Variants in MYO1C observed in about 807,000 individuals in gnomAD.
The protein encoded by MYO1C is myosin IC, also known as unconventional myosin-Ic.
MYO1C carries 104 observed loss-of-function variants against 150.8 expected under a neutral mutation model. That is an observed-to-expected ratio of 0.69 (90% CI 0.59 to 0.81). The LOEUF is 0.81. Among genes scored for constraint, MYO1C ranks in the 30% least tolerant of loss-of-function variants. The pLI, the probability that MYO1C is intolerant of heterozygous loss-of-function variation, is 0.00. For missense variants in MYO1C, 1,504 were observed against 1,435.0 expected, an observed-to-expected ratio of 1.05 and a Z score of -0.78; for synonymous variants, 663 against 579.9, an observed-to-expected ratio of 1.14 and a Z score of -2.06.
In MYO1C at chr17:1,484,202, G is replaced by A. The variant is rs146239773; in HGVS notation, c.177C>T (p.Ser59=). 3.2e-4 allele frequency: 515 copies of A among 1,612,896 alleles called. 6 individuals carry two copies. The African/African-American group carries it at 5.0e-3, about 16-fold the overall frequency. ...QDFVLLENFT[S]EAAFIENLRR... Reference sequence around the variant, plus strand: ...GCAGGTTCTCGATGAAGGCGGCCTCGCTGGTGAAGTTCTCCAGCAGCACGA... The same window carrying A: ...GCAGGTTCTCGATGAAGGCGGCCTCACTGGTGAAGTTCTCCAGCAGCACGA... The change falls in exon 2 of 32, where the codon AGC becomes AGT. Residue 59 remains serine (S), a synonymous_variant. Coordinates refer to ENST00000648651, the MANE Select transcript of MYO1C (RefSeq NM_001080779.2).
chr17:1,483,553 G>A (rs1330747674), intron 3 of MYO1C, 57 bp downstream of exon 3: 14 of 1,274,028 alleles, frequency 1.1e-5, no homozygotes, highest in East Asian at 7.3e-5. Flanking sequence ...AGGGTTGGGC[G>A]GGGTCACCTC....
chr17:1,480,185 G>A (rs2074489594), intron 7 of MYO1C, among the ~76,000 whole-genome samples: 3 of 136,848 alleles, frequency 2.2e-5, no homozygotes, highest in Admixed American at 7.7e-5. Context: ...ACTGGCCCAC[G>A]CCTGTAATCC....
intron 1 of MYO1C, among the ~76,000 whole-genome samples, chr17:1,488,055 C>T (rs929284512): frequency 2.0e-5 from 3 of 152,316 alleles, no homozygotes; most frequent in Admixed American, 2.0e-4. Flanking sequence ...CAGCTCTCTC[C>T]CTGCCCCGCG....
At position 1,478,836 on chromosome 17, in the gene MYO1C, C is replaced by T. The variant is rs1261623606; in HGVS notation, c.1093-101G>A. 15 of 1,562,796 alleles carry T rather than the reference C, an allele frequency of 9.6e-6. No individual in the cohort carries two copies. Among genetic ancestry groups the T allele is most frequent in the Non-Finnish European group, 1.3e-5 (15 of 1,154,160 alleles). On this transcript the variant is annotated intron_variant, in intron 9 of 31. Transcript: ENST00000648651. The surrounding 1 kb of genome is among the most constrained non-coding windows in gnomAD (Gnocchi z 6.3). ...ACCAGGAAGCCGCCACCACTCTGCACTCCCAGCTCCAGCAAGCCTGCAGTA... is the reference window on the plus strand; with the variant it reads ...ACCAGGAAGCCGCCACCACTCTGCATTCCCAGCTCCAGCAAGCCTGCAGTA...
intron 14 of MYO1C, among the ~76,000 whole-genome samples, chr17:1,476,981 G>C (rs2074414051): frequency 6.6e-6 from 1 of 151,608 alleles, no homozygotes; most frequent in African/African-American, 2.4e-5. Flanking sequence ...TGGGATTATA[G>C]GCACCTGCCA....
Position 1,469,582 on chromosome 17 carries a change from C to T in MYO1C, c.2559G>A (p.Lys853=), listed in dbSNP as rs1319009237. Residue 853 remains lysine, a synonymous_variant, in exon 25 of 32, where the codon AAG becomes AAA. Transcript: ENST00000648651. The stretch of plus-strand genomic sequence containing the variant: ...TCCGGCAGTATTTCCACACCATGTT[C>T]TTTATGCACAACTCCCGCAGAAGCT... The part of the protein sequence containing the change: ...ASELLRELCI[K]NMVWKYCRSI... 1.2e-6 allele frequency: 2 copies of T among 1,613,218 alleles called. No individual in the cohort carries two copies. Among genetic ancestry groups the T allele is most frequent in the Admixed American group, 3.3e-5 (2 of 59,950 alleles).
intron 17 of MYO1C, chr17:1,472,468 T>G: frequency 1.8e-6 from 1 of 551,718 alleles, no homozygotes; most frequent in Non-Finnish European, 3.3e-6. Context: ...AAACTCCTGC[T>G]CAGGTCTCCC....
rs774748803 is a variant in MYO1C at position 1,467,501 on chromosome 17, C to T, written c.3044G>A (p.Ser1015Asn). The T allele has an allele frequency of 5.0e-6, 8 of 1,613,368 alleles. No individual in the cohort carries two copies. The African/African-American group carries it at 8.0e-5, about 16-fold the overall frequency. ...KTALSANRVNSININQGSITF... is the reference protein window; with the variant it reads ...KTALSANRVNNININQGSITF... ...TCACCTGCCCTGGTTGATGTTGATG[C>T]TGTTCACGCGGTTGGCACTGAGGGC... Residue 1015 changes from serine to asparagine, a missense_variant, in exon 30 of 32, where the codon AGC becomes AAC. Transcript: ENST00000648651.
chr17:1,487,372 C>G (rs536016240), intron 1 of MYO1C, among the ~76,000 whole-genome samples: 1 of 152,356 alleles, frequency 6.6e-6, no homozygotes, highest in African/African-American at 2.4e-5. Context: ...AACCCAAAGC[C>G]CCAGCGCCCC....
At position 1,467,821 on chromosome 17, in the gene MYO1C, C is replaced by G. The variant is rs759102683; in HGVS notation, c.2967+19G>C. 1 of 1,553,362 alleles carries G rather than the reference C, an allele frequency of 6.4e-7. No individual in the cohort carries two copies. The highest frequency in any genetic ancestry group is 8.7e-7 in the Non-Finnish European group (1 of 1,144,226). On this transcript the variant is annotated intron_variant, in intron 29 of 31. Coordinates refer to ENST00000648651, the MANE Select transcript of MYO1C (RefSeq NM_001080779.2). ...CCTCCCCCATCCCCCACCACTCCTC[C>G]CCATCCATGAAAAGGCACCTTTTGC...
rs142965600 is a variant in MYO1C at position 1,480,444 on chromosome 17, G to A, written c.906+83C>T. On this transcript the variant is annotated intron_variant, in intron 7 of 31. Transcript: ENST00000648651. ...GCCTGGGCAACAAGAATGAAACTCC[G>A]TCTCAAAAAATAAAAAACAAAAAAA... is the stretch of plus-strand genomic sequence containing the variant. 23,091 of 1,218,862 alleles carry A rather than the reference G, an allele frequency of 0.019. 282 individuals carry two copies. Among genetic ancestry groups the A allele is most frequent in the Non-Finnish European group, 0.023 (18,914 of 827,522 alleles). 75.5% of individuals were successfully genotyped at this position (1,218,862 alleles called of 1,614,324 possible).
chr17:1,484,021 A>G (rs551097685), intron 2 of MYO1C, 127 bp downstream of exon 2: 8 of 1,244,174 alleles, frequency 6.4e-6, no homozygotes, highest in African/African-American at 4.5e-5. Context: ...CAGCCTGGGC[A>G]ACAAGAGTGA....
In MYO1C at chr17:1,480,735, T is replaced by C; in HGVS notation, c.778A>G (p.Asn260Asp). The C allele has an allele frequency of 6.2e-7, 1 of 1,614,068 alleles. No homozygotes were observed. The highest frequency in any genetic ancestry group is 8.5e-7 in the Non-Finnish European group (1 of 1,180,004). Residue 260 changes from asparagine to aspartate, a missense_variant, in exon 6 of 32, where the codon AAC becomes GAC. Physicochemically the swap from Asn to Asp is conservative, Grantham distance 23. Coordinates refer to ENST00000648651, the MANE Select transcript of MYO1C (RefSeq NM_001080779.2). The part of the protein sequence containing the change: ...ETLRRLGLER[N>D]PQSYLYLVKG... The stretch of plus-strand genomic sequence containing the variant: ...ACCAGGTACAGGTAGCTCTGGGGGT[T>C]CCGTTCCAAGCCCAGCCTGCGAAGA...
rs558412272 is a variant in MYO1C at position 1,470,875 on chromosome 17, G to T, written c.2213-186C>A. ...AAAGGGGGGCGGCGGGTGGGATGGT[G>T]GGCGTGGGGCTGGAGCTGGTGGGGA... On this transcript the variant is annotated intron_variant, in intron 21 of 31. Transcript: ENST00000648651. The T allele has an allele frequency of 2.2e-4, 197 of 878,432 alleles. 2 individuals carry two copies. In the African/African-American group the frequency reaches 3.0e-3, roughly 14 times the overall value. The allele number at this position is 878,432 out of a possible 1,614,324, so 54.4% of individuals were successfully genotyped here.
chr17:1,492,281 T>G (rs529809560), intron 1 of MYO1C, 132 bp downstream of exon 1: 1 of 866,658 alleles, frequency 1.2e-6, no homozygotes, highest in East Asian at 2.7e-5. Context: ...TTGTTCAGTC[T>G]GTTCTGGCCC....
chr17:1,480,578 C>G lies in MYO1C; in HGVS notation c.855G>C (p.Lys285Asn), dbSNP rs1211182362. The change falls in exon 7 of 32, where the codon AAG becomes AAC. Residue 285 changes from lysine to asparagine, a missense_variant. By Grantham distance (94) the Lys-to-Asn change is moderately conservative. Coordinates refer to ENST00000648651, the MANE Select transcript of MYO1C (RefSeq NM_001080779.2). ...VSSINDKSDW[K>N]VVRKALTVID... is the part of the protein sequence containing the mutation. ...TGACTGTCAGAGCCTTCCTGACGAC[C>G]TTCCAGTCACTCTTGTCGTTGATGG... The G allele has an allele frequency of 6.2e-7, 1 of 1,614,224 alleles. No homozygotes were observed. The highest frequency in any genetic ancestry group is 8.5e-7 in the Non-Finnish European group (1 of 1,180,040).
At chr17:1,467,743 C>T (rs1393739467) in intron 29 of MYO1C, 97 bp downstream of exon 29, 1 of 584,188 alleles carries the variant, frequency 1.7e-6, no homozygotes, top group Non-Finnish European at 3.0e-6. Context: ...CCTCCCACCT[C>T]CCCATCCACC....
At chr17:1,485,429 A>C in intron 1 of MYO1C, 2 of 897,776 alleles carry the variant, frequency 2.2e-6, no homozygotes, top group Non-Finnish European at 2.8e-6. Context: ...CGGCTGCCAA[A>C]TCCGGCCGCG....
At chr17:1,480,490 G>A in intron 7 of MYO1C, 37 bp downstream of exon 7, 2 of 1,515,836 alleles carry the variant, frequency 1.3e-6, no homozygotes, top group Non-Finnish European at 1.8e-6. Context: ...TTGGGGGTGT[G>A]ACAGGAGGAA....
Sources: allele counts gnomAD v4.1 joint callset (sites outside exome capture counted in the v4.1 genomes callset), GRCh38; gene constraint gnomAD v4.1.1; non-coding constraint Gnocchi (gnomAD v3.1); transcripts MANE v1.5; gene names NCBI Gene and HGNC (gene_info 2026-07-23, HGNC 2026-07-21).